EPHA6: variants seen among roughly 807,000 people sequenced by gnomAD.
EPHA6 encodes EPH receptor A6.
In EPHA6, 50 loss-of-function variants were observed where a neutral mutation model predicts 112.0. The ratio of observed to expected loss-of-function variants is 0.45; its 90% CI spans 0.36 to 0.56. EPHA6 has a LOEUF of 0.56. Among genes scored for constraint, EPHA6 ranks in the 20% least tolerant of loss-of-function variants. The pLI, the probability that EPHA6 is intolerant of heterozygous loss-of-function variation, is 0.00. For missense variants in EPHA6, 1,280 were observed against 1,417.4 expected, an observed-to-expected ratio of 0.90 and a Z score of 1.56; for synonymous variants, 529 against 490.7, an observed-to-expected ratio of 1.08 and a Z score of -1.03.
At chr3:97,095,636 T>A (rs1306778708) in intron 3 of EPHA6, among the ~76,000 whole-genome samples, 1 of 152,006 alleles carries the variant, frequency 6.6e-6, no homozygotes, top group East Asian at 1.9e-4. Flanking sequence ...ACCCTGCTTT[T>A]AAGTGATGTG....
intron 3 of EPHA6, among the ~76,000 whole-genome samples, chr3:96,989,293 T>C (rs2043133249): frequency 6.6e-6 from 1 of 152,194 alleles, no homozygotes; most frequent in Admixed American, 6.6e-5. Context: ...GTGATGATTA[T>C]GTTTTGTAAC....
chr3:97,226,982 T>A (rs1429201797), intron 4 of EPHA6, among the ~76,000 whole-genome samples: 1 of 152,198 alleles, frequency 6.6e-6, no homozygotes, highest in Non-Finnish European at 1.5e-5. Flanking sequence ...GAATGTTAAA[T>A]CTAAATGTGA....
chr3:97,496,800 T>C (rs925967070), intron 10 of EPHA6, among the ~76,000 whole-genome samples: 4 of 151,548 alleles, frequency 2.6e-5, no homozygotes, highest in Admixed American at 6.6e-5. Flanking sequence ...CCTAAGTGCA[T>C]TGATGCACAC....
At chr3:96,985,502 G>A (rs2042987702) in intron 2 of EPHA6, among the ~76,000 whole-genome samples, 1 of 152,002 alleles carries the variant, frequency 6.6e-6, no homozygotes, top group Non-Finnish European at 1.5e-5. Context: ...TTGCCTTTAA[G>A]TGTCCTCAGA....
intron 4 of EPHA6, among the ~76,000 whole-genome samples, chr3:97,242,185 G>A (rs1033369109): frequency 2.0e-5 from 3 of 151,712 alleles, no homozygotes; most frequent in Non-Finnish European, 1.5e-5. Flanking sequence ...GTCCCTTCCT[G>A]TTGTACATAG....
intron 5 of EPHA6, among the ~76,000 whole-genome samples, chr3:97,326,307 A>AT (rs138813165): frequency 0.039 from 5,926 of 151,992 alleles, 152 homozygotes; most frequent in Middle Eastern, 0.085. Flanking sequence ...TCCTGGTAAC[A>AT]TTTTGCAGCA....
intron 2 of EPHA6, among the ~76,000 whole-genome samples, chr3:96,928,675 T>C (rs1355530724): frequency 1.3e-5 from 2 of 152,186 alleles, no homozygotes. Flanking sequence ...AATATTTTTG[T>C]TAATTTCCTC....
chr3:97,328,771 T>A (rs1037127901), intron 5 of EPHA6, among the ~76,000 whole-genome samples: 1 of 152,130 alleles, frequency 6.6e-6, no homozygotes, highest in Non-Finnish European at 1.5e-5. Context: ...AACTCATTGC[T>A]GACTCCTAAA....
chr3:97,038,873 T>C (rs1381768190), intron 3 of EPHA6, among the ~76,000 whole-genome samples: 1 of 152,074 alleles, frequency 6.6e-6, no homozygotes, highest in Admixed American at 6.6e-5. Flanking sequence ...TCTGATTTCC[T>C]TCCTGTGTGT....
chr3:97,272,975 G>C (rs776115410), intron 5 of EPHA6, among the ~76,000 whole-genome samples: 1 of 152,112 alleles, frequency 6.6e-6, no homozygotes, highest in Non-Finnish European at 1.5e-5. Context: ...TCTCAGGGCT[G>C]CTTCGAGCGG....
intron 11 of EPHA6, among the ~76,000 whole-genome samples, chr3:97,582,596 G>A (rs1047062207): frequency 6.6e-6 from 1 of 152,152 alleles, no homozygotes; most frequent in African/African-American, 2.4e-5. Context: ...TTTATCATAT[G>A]AGAGTGGATA....
chr3:97,450,011 C>A (rs1283225456), intron 7 of EPHA6, among the ~76,000 whole-genome samples: 2 of 151,914 alleles, frequency 1.3e-5, no homozygotes, highest in African/African-American at 4.8e-5. Flanking sequence ...GTAAGAAATA[C>A]CCCACCTTAG....
intron 3 of EPHA6, among the ~76,000 whole-genome samples, chr3:97,210,090 A>G (rs2077826348): frequency 6.6e-6 from 1 of 152,196 alleles, no homozygotes; most frequent in Non-Finnish European, 1.5e-5. Flanking sequence ...GTATATGCCA[A>G]TTAAATCTTA....
intron 3 of EPHA6, among the ~76,000 whole-genome samples, chr3:97,021,078 G>A (rs2044441712): frequency 6.6e-6 from 1 of 152,138 alleles, no homozygotes; most frequent in Non-Finnish European, 1.5e-5. Context: ...CAGCCAGAGT[G>A]GCCAAACAGG....
intron 3 of EPHA6, among the ~76,000 whole-genome samples, chr3:97,137,571 A>G (rs1397883984): frequency 1.3e-5 from 2 of 152,190 alleles, no homozygotes; most frequent in East Asian, 3.9e-4. Context: ...ACAAGTACTC[A>G]ATATTATTTT....
intron 13 of EPHA6, chr3:97,612,485 A>G (rs2093728713): frequency 1.2e-5 from 4 of 341,036 alleles, no homozygotes; most frequent in African/African-American, 8.6e-5. Flanking sequence ...GGTGGGAAAT[A>G]TTAGCTTCTC....
chr3:97,607,585 G>A (rs2093689318), intron 12 of EPHA6, among the ~76,000 whole-genome samples: 1 of 151,088 alleles, frequency 6.6e-6, no homozygotes, highest in Admixed American at 6.6e-5. Context: ...TTCACCTTGT[G>A]TGACTTGTAG....
intron 3 of EPHA6, among the ~76,000 whole-genome samples, chr3:97,076,082 A>G (rs2046514731): frequency 6.6e-6 from 1 of 152,108 alleles, no homozygotes; most frequent in South Asian, 2.1e-4. Flanking sequence ...AAGTGTTCAA[A>G]TGTTCAAGTG....
chr3:97,024,962 G>C (rs2044587198), intron 3 of EPHA6, among the ~76,000 whole-genome samples: 1 of 152,146 alleles, frequency 6.6e-6, no homozygotes, highest in South Asian at 2.1e-4. Flanking sequence ...TAAGAAGTTA[G>C]TTATGATTTA....
Sources: allele counts gnomAD v4.1 joint callset (sites outside exome capture counted in the v4.1 genomes callset), GRCh38; gene constraint gnomAD v4.1.1; transcripts MANE v1.5; gene names NCBI Gene and HGNC (gene_info 2026-07-23, HGNC 2026-07-21).